CD164L2: variants seen among roughly 807,000 people sequenced by gnomAD.
CD164L2 encodes CD164 molecule like 2.
CD164L2 carries 21 observed loss-of-function variants against 23.9 expected under a neutral mutation model. That is an observed-to-expected ratio of 0.88 (90% CI 0.62 to 1.27). CD164L2 has a LOEUF of 1.27. Among genes scored for constraint, CD164L2 ranks in the 50% most tolerant of loss-of-function variants. The probability of loss-of-function intolerance (pLI) is 0.00; values close to 1 mark genes in which losing one functional copy is unlikely to be tolerated. For synonymous variants in CD164L2, 92 were observed against 90.2 expected (o/e 1.02, Z -0.11); for missense variants, 230 against 224.8 (o/e 1.02, Z -0.15).
Position 27,380,175 on chromosome 1 carries a change from C to T in CD164L2, c.394G>A (p.Ala132Thr). Reference protein sequence around the residue: ...VTTGSPPVPEAHSPGFDGASF... With the variant: ...VTTGSPPVPETHSPGFDGASF... ...GCCCCGTCAAATCCAGGGCTGTGGG[C>T]CTCAGGGACTGGGGGGCTCCCTGCA... The change falls in exon 5 of 6, where the codon GCC (alanine) becomes ACC (threonine). Residue 132 changes from alanine (A) to threonine (T), a missense_variant. Ala to Thr is a moderately conservative substitution (Grantham distance 58). Transcript: ENST00000374030. 6.2e-7 allele frequency: 1 copy of T among 1,614,094 alleles called. No homozygotes were observed. The highest frequency in any genetic ancestry group is 8.5e-7 in the Non-Finnish European group (1 of 1,179,986).
Position 27,382,418 on chromosome 1 carries a change from G to T in CD164L2, c.257-19C>A. On this transcript the variant is annotated intron_variant, in intron 2 of 5. Coordinates refer to ENST00000374030, the MANE Select transcript of CD164L2 (RefSeq NM_001330448.1). ...CAGTGTCCTGGTGAGAGAAGGTGCA[G>T]GGGGGAGGTTTGGGGAGAGGGGCCA... 4 of 1,594,456 alleles carry T rather than the reference G, an allele frequency of 2.5e-6. No individual in the cohort carries two copies. The highest frequency in any genetic ancestry group is 1.1e-5 in the South Asian group (1 of 89,200).
At chr1:27,380,833 C>T (rs1161287270) in intron 4 of CD164L2, among the ~76,000 whole-genome samples, 1 of 152,226 alleles carries the variant, frequency 6.6e-6, no homozygotes, top group Non-Finnish European at 1.5e-5. Context: ...CAGGACATAG[C>T]CAGACTCACA....
At chr1:27,381,950 A>G (rs1380482122) in intron 3 of CD164L2, 126 bp from the exon 4 acceptor site, 1 of 1,391,202 alleles carries the variant, frequency 7.2e-7, no homozygotes, top group Admixed American at 2.1e-5. Flanking sequence ...TAGACATCCA[A>G]CATACTTGCA....
At chr1:27,380,014 C>A in intron 5 of CD164L2, 37 bp downstream of exon 5, 1 of 1,606,878 alleles carries the variant, frequency 6.2e-7, no homozygotes, top group South Asian at 1.1e-5. Context: ...AGGAGGTAAG[C>A]TGGGACTCAG....
intron 4 of CD164L2, among the ~76,000 whole-genome samples, chr1:27,380,865 T>A (rs1444844908): frequency 6.6e-6 from 1 of 152,244 alleles, no homozygotes; most frequent in Non-Finnish European, 1.5e-5. Flanking sequence ...GACCATCTCC[T>A]CTGCCCCTTA....
In CD164L2 at chr1:27,382,680, T is replaced by A; in HGVS notation, c.89-13A>T. On this transcript the variant is annotated splice_polypyrimidine_tract_variant and intron_variant, in intron 1 of 5. Transcript: ENST00000374030. ...CGAGCTCCTTTACCTGGTAGTGCGG[T>A]GGAGTGGGAAGGGAGAATTCCTCGA... The A allele has an allele frequency of 6.2e-7, 1 of 1,602,212 alleles. No individual in the cohort carries two copies. The highest frequency in any genetic ancestry group is 8.5e-7 in the Non-Finnish European group (1 of 1,174,100).
chr1:27,382,758 G>T, intron 1 of CD164L2, 91 bp from the exon 2 acceptor site: 2 of 1,270,960 alleles, frequency 1.6e-6, no homozygotes, highest in Non-Finnish European at 2.1e-6. Context: ...GGTGGCCCTC[G>T]CCCCTCTGCA....
rs1366163598 is a variant in CD164L2 at position 27,382,625 on chromosome 1, A to T, written c.131T>A (p.Leu44Gln). 1 of 1,612,690 alleles carries T rather than the reference A, an allele frequency of 6.2e-7. No homozygotes were observed. Among genetic ancestry groups the T allele is most frequent in the African/African-American group, 1.3e-5 (1 of 74,826 alleles). The stretch of plus-strand genomic sequence containing the variant: ...CCCTTGGACCGCCGGCCAGATATTC[A>T]GGCGGATCAGGGCTCCCCTCCCAAA... ...RGFGRGALIR[L>Q]NIWPAVQGAC... The change falls in exon 2 of 6, where the codon CTG (leucine) becomes CAG (glutamine). Residue 44 changes from leucine to glutamine, a missense_variant. Transcript: ENST00000374030.
intron 3 of CD164L2, 43 bp from the exon 4 acceptor site, chr1:27,381,867 C>T (rs201029112): frequency 1.9e-6 from 3 of 1,612,176 alleles, no homozygotes; most frequent in East Asian, 2.2e-5. Flanking sequence ...CTTCCCACCC[C>T]CTGACTCCCA....
chr1:27,383,233 C>T lies in CD164L2; in HGVS notation c.7G>A (p.Ala3Thr). Residue 3 changes from alanine to threonine, a missense_variant, in exon 1 of 6, where the codon GCT (alanine) becomes ACT (threonine). Ala to Thr is a moderately conservative substitution (Grantham distance 58). Transcript: ENST00000374030. ...GTCCGCAAGGCGCGGGGTCCCGGAG[C>T]CTCCATGGGCTCGCGGGGTGGGGGT... is the stretch of plus-strand genomic sequence containing the variant. The part of the protein sequence containing the change: ME[A>T]PGPRALRTAL... 1 of 1,543,256 alleles carries T rather than the reference C, an allele frequency of 6.5e-7. No homozygotes were observed. The highest frequency in any genetic ancestry group is 1.2e-5 in the South Asian group (1 of 83,858).
At chr1:27,381,312 G>A (rs1162831433) in intron 4 of CD164L2, among the ~76,000 whole-genome samples, 1 of 152,184 alleles carries the variant, frequency 6.6e-6, no homozygotes, top group African/African-American at 2.4e-5. Flanking sequence ...TGCCAAGTCT[G>A]GTGACCTCCA....
chr1:27,382,680 T>C lies in CD164L2; in HGVS notation c.89-13A>G, dbSNP rs532461041. The stretch of plus-strand genomic sequence containing the variant: ...CGAGCTCCTTTACCTGGTAGTGCGG[T>C]GGAGTGGGAAGGGAGAATTCCTCGA... On this transcript the variant is annotated splice_polypyrimidine_tract_variant and intron_variant, in intron 1 of 5. Coordinates refer to ENST00000374030, the MANE Select transcript of CD164L2 (RefSeq NM_001330448.1). The C allele has an allele frequency of 1.4e-5, 22 of 1,602,212 alleles. No homozygotes were observed. In the South Asian group the frequency reaches 2.4e-4, roughly 18 times the overall value.
At chr1:27,383,120 C>G in intron 1 of CD164L2, 32 bp downstream of exon 1, 1 of 1,503,812 alleles carries the variant, frequency 6.6e-7, no homozygotes, top group South Asian at 1.2e-5. Context: ...CCGTCCCCGT[C>G]GAGCCCCTAG....
Position 27,382,586 on chromosome 1 carries a change from A to G in CD164L2, c.170T>C (p.Leu57Pro). 1.2e-6 allele frequency: 2 copies of G among 1,613,514 alleles called. No homozygotes were observed. Among genetic ancestry groups the G allele is most frequent in the Non-Finnish European group, 8.5e-7 (1 of 1,179,946 alleles). The change falls in exon 2 of 6, where the codon CTG becomes CCG. Residue 57 changes from leucine to proline, a missense_variant. Coordinates refer to ENST00000374030, the MANE Select transcript of CD164L2 (RefSeq NM_001330448.1). ...CTCCACGCAGTGCTCACAGACCTCCAGCTGTTTGCAGGCCCCTTGGACCGC... is the reference window on the plus strand; with the variant it reads ...CTCCACGCAGTGCTCACAGACCTCCGGCTGTTTGCAGGCCCCTTGGACCGC... ...WPAVQGACKQ[L>P]EVCEHCVEGD...
intron 4 of CD164L2, 62 bp downstream of exon 4, chr1:27,381,718 C>T (rs2016337571): frequency 1.3e-6 from 2 of 1,579,684 alleles, no homozygotes; most frequent in Non-Finnish European, 1.7e-6. Flanking sequence ...GTGCCTGAGC[C>T]CAGAGCTGTC....
chr1:27,382,419 G>T lies in CD164L2; in HGVS notation c.257-20C>A, dbSNP rs372070371. The T allele has an allele frequency of 1.4e-5, 23 of 1,595,122 alleles. No homozygotes were observed. The African/African-American group carries it at 1.9e-4, about 13-fold the overall frequency. ...AGTGTCCTGGTGAGAGAAGGTGCAG[G>T]GGGGAGGTTTGGGGAGAGGGGCCAG... On this transcript the variant is annotated intron_variant, in intron 2 of 5. Transcript: ENST00000374030.
chr1:27,380,671 G>A (rs1451222785), intron 4 of CD164L2, among the ~76,000 whole-genome samples: 1 of 152,218 alleles, frequency 6.6e-6, no homozygotes, highest in Non-Finnish European at 1.5e-5. Context: ...TAAGACCTCA[G>A]TGTCACCCAA....
rs942070389 is a variant in CD164L2 at position 27,380,185 on chromosome 1, T to C, written c.384A>G (p.Pro128=). 1 of 1,613,832 alleles carries C rather than the reference T, an allele frequency of 6.2e-7. No homozygotes were observed. The highest frequency in any genetic ancestry group is 1.3e-5 in the African/African-American group (1 of 74,896). ...EPKTVTTGSP[P]VPEAHSPGFD... is the part of the protein sequence containing the mutation. ...ATCCAGGGCTGTGGGCCTCAGGGAC[T>C]GGGGGGCTCCCTGCAGGGGTGAGGC... Residue 128 remains proline, a synonymous_variant, in exon 5 of 6, where the codon CCA becomes CCG. Transcript: ENST00000374030.
rs557486829 is a variant in CD164L2, at chr1:27,381,031, A to G, written c.373+749T>C. 2.0e-5 allele frequency among the ~76,000 whole-genome samples: 3 copies of G among 152,344 alleles called. No individual in the cohort carries two copies. In the South Asian group the frequency reaches 6.2e-4, roughly 32 times the overall value. On this transcript the variant is annotated intron_variant, in intron 4 of 5. Transcript: ENST00000374030. ...CTGGTGGATGGAAGATCATTCTGGG[A>G]CAGTGGAAAGGGGCCCAGCCTGAAC... is the stretch of plus-strand genomic sequence containing the variant.
Sources: gnomAD v4.1 joint callset for allele counts (sites outside exome capture counted in the v4.1 genomes callset) on GRCh38, gnomAD v4.1.1 for gene constraint, MANE v1.5 for transcripts, NCBI Gene and HGNC (gene_info 2026-07-23, HGNC 2026-07-21) for gene names.